The following SYT1 variants were observed in gnomAD, a reference collection of about 807,000 sequenced individuals.
The protein encoded by SYT1 is synaptotagmin-1.
In SYT1, 8 loss-of-function variants were observed where a neutral mutation model predicts 44.8. The ratio of observed to expected loss-of-function variants is 0.18; its 90% confidence interval spans 0.10 to 0.32. SYT1 has a LOEUF of 0.32. Ranked by LOEUF, SYT1 falls within the 10% of genes least tolerant of loss-of-function variation. SYT1 has a pLI of 1.00. For missense variants in SYT1, 286 were observed against 509.3 expected (o/e 0.56, Z 4.22); for synonymous variants, 154 against 188.8 (o/e 0.82, Z 1.51).
intron 3 of SYT1, among the ~76,000 whole-genome samples, chr12:79,176,969 T>C (rs1871914345): frequency 6.6e-6 from 1 of 151,838 alleles, no homozygotes; most frequent in African/African-American, 2.4e-5. Flanking sequence ...TCCAATATAA[T>C]CTCTAAATTT....
At chr12:79,101,058 T>C (rs1878418247) in intron 3 of SYT1, among the ~76,000 whole-genome samples, 1 of 152,168 alleles carries the variant, frequency 6.6e-6, no homozygotes. Flanking sequence ...ATACATTTTA[T>C]TTTACATTTG....
At chr12:79,139,529 T>C (rs1243934655) in intron 3 of SYT1, among the ~76,000 whole-genome samples, 1 of 152,232 alleles carries the variant, frequency 6.6e-6, no homozygotes, top group Non-Finnish European at 1.5e-5. Flanking sequence ...ATCTTCCTAT[T>C]GGCCTTGAAA....
intron 1 of SYT1, among the ~76,000 whole-genome samples, chr12:78,893,127 C>T (rs113238330): frequency 1.3e-5 from 2 of 151,712 alleles, no homozygotes; most frequent in African/African-American, 4.8e-5. Context: ...GAGGAGGAGT[C>T]TACAAATGAA....
At chr12:79,320,648 CTTTTT>C (rs746685561) in intron 8 of SYT1, among the ~76,000 whole-genome samples, 1,486 of 128,738 alleles carry the variant, frequency 0.012, 22 homozygotes, top group African/African-American at 0.041. Context: ...TCTTTTTCCC[CTTTTT>C]TTTTTTTTTT....
intron 1 of SYT1, among the ~76,000 whole-genome samples, chr12:78,907,185 A>G (rs1307953279): frequency 6.6e-6 from 1 of 150,826 alleles, no homozygotes; most frequent in Admixed American, 6.6e-5. Context: ...TTAAAAGAAG[A>G]AAAAAAAAGA....
intron 8 of SYT1, among the ~76,000 whole-genome samples, chr12:79,338,592 T>G (rs897962419): frequency 1.3e-5 from 2 of 151,850 alleles, no homozygotes; most frequent in Admixed American, 1.3e-4. Context: ...TTCTCTTTTT[T>G]TTTTCTTCAA....
At chr12:79,215,747 G>A (rs1371955731) in intron 3 of SYT1, among the ~76,000 whole-genome samples, 2 of 151,946 alleles carry the variant, frequency 1.3e-5, no homozygotes, top group African/African-American at 4.8e-5. Flanking sequence ...TCGTATCTAT[G>A]TATATGTGTT....
chr12:79,042,101 C>T (rs1873628937), intron 2 of SYT1, among the ~76,000 whole-genome samples: 1 of 150,578 alleles, frequency 6.6e-6, no homozygotes, highest in African/African-American at 2.4e-5. Flanking sequence ...TTGGTTGTGT[C>T]TCTGCCCAGC....
intron 9 of SYT1, among the ~76,000 whole-genome samples, chr12:79,388,745 G>A (rs987594514): frequency 6.6e-6 from 1 of 151,990 alleles, no homozygotes; most frequent in African/African-American, 2.4e-5. Context: ...AGTGGTAGAA[G>A]TTTCTAAGCA....
chr12:79,163,678 C>T (rs1183787677), intron 3 of SYT1, among the ~76,000 whole-genome samples: 2 of 152,032 alleles, frequency 1.3e-5, no homozygotes, highest in Non-Finnish European at 2.9e-5. Context: ...GGTCAGCTGA[C>T]CCTTCCTTTG....
chr12:78,937,877 C>T (rs976725332), intron 1 of SYT1, among the ~76,000 whole-genome samples: 1 of 152,078 alleles, frequency 6.6e-6, no homozygotes, highest in African/African-American at 2.4e-5. Context: ...TCTCTAATAT[C>T]TGCTTTTGGG....
chr12:79,055,476 G>A (rs1425466378), intron 3 of SYT1, among the ~76,000 whole-genome samples: 1 of 151,894 alleles, frequency 6.6e-6, no homozygotes, highest in Non-Finnish European at 1.5e-5. Flanking sequence ...TATTAGTTTT[G>A]ATCTGCTATA....
chr12:79,384,844 A>G (rs1023481969), intron 9 of SYT1, among the ~76,000 whole-genome samples: 4 of 152,170 alleles, frequency 2.6e-5, no homozygotes, highest in African/African-American at 9.7e-5. Flanking sequence ...TGAGTTACGT[A>G]AGATGTTATG....
intron 9 of SYT1, among the ~76,000 whole-genome samples, chr12:79,401,192 G>C (rs921881184): frequency 6.6e-6 from 1 of 152,126 alleles, no homozygotes; most frequent in African/African-American, 2.4e-5. Context: ...CTAGTAACTA[G>C]AATCAAGTCA....
rs530474725 is a variant in SYT1, at chr12:79,201,581, T to C, written c.-17-15922T>C. ...CACTACCCAATTCACAAGGGGCTAA[T>C]ATATAAGCCAGAATTTTAATAATTG... On this transcript the variant is annotated intron_variant, in intron 3 of 10. Transcript: ENST00000261205. Among the ~76,000 whole-genome samples, 4 of 152,270 alleles carry C rather than the reference T, an allele frequency of 2.6e-5. No individual in the cohort carries two copies. In the East Asian group the frequency reaches 7.7e-4, roughly 29 times the overall value.
At chr12:79,270,102 T>G (rs1029634527) in intron 4 of SYT1, among the ~76,000 whole-genome samples, 6 of 152,192 alleles carry the variant, frequency 3.9e-5, no homozygotes, top group Non-Finnish European at 8.8e-5. Context: ...ATGATTATCC[T>G]TGTGTGTTTT....
At chr12:79,182,391 C>A (rs1396762425) in intron 3 of SYT1, among the ~76,000 whole-genome samples, 1 of 151,976 alleles carries the variant, frequency 6.6e-6, no homozygotes, top group Non-Finnish European at 1.5e-5. Context: ...TGTCCCAACT[C>A]CTAAAATTAA....
chr12:79,088,691 G>C (rs989588267), intron 3 of SYT1, among the ~76,000 whole-genome samples: 5 of 151,882 alleles, frequency 3.3e-5, no homozygotes, highest in African/African-American at 1.2e-4. Flanking sequence ...CAAACATGGA[G>C]AGAACAGAAG....
chr12:78,939,133 T>TA (rs551448364), intron 1 of SYT1, among the ~76,000 whole-genome samples: 32 of 152,132 alleles, frequency 2.1e-4, no homozygotes, highest in East Asian at 5.8e-4. Flanking sequence ...AGGTAGTTTT[T>TA]AAAAAAAATA....
Sources: gnomAD v4.1 joint callset for allele counts (sites outside exome capture counted in the v4.1 genomes callset) on GRCh38, gnomAD v4.1.1 for gene constraint, MANE v1.5 for transcripts, NCBI Gene and HGNC (gene_info 2026-07-23, HGNC 2026-07-21) for gene names.